CRHR2: variants seen among roughly 807,000 people sequenced by gnomAD.
CRHR2 encodes the protein corticotropin releasing hormone receptor 2, also known as corticotropin-releasing hormone receptor 2.
Under a neutral mutation model 57.9 loss-of-function variants are expected in CRHR2, and 53 were observed. The ratio of observed to expected loss-of-function variants is 0.92; its 90% CI spans 0.73 to 1.15. CRHR2 has a LOEUF of 1.15. CRHR2 is among the 50% of genes most tolerant of loss of function. The pLI, the probability that CRHR2 is intolerant of heterozygous loss-of-function variation, is 0.00. For synonymous variants in CRHR2, 213 were observed against 220.9 expected (o/e 0.96, Z 0.32); for missense variants, 532 against 542.6 (o/e 0.98, Z 0.19).
intron 2 of CRHR2, among the ~76,000 whole-genome samples, chr7:30,674,316 G>A (rs938851615): frequency 1.3e-5 from 2 of 152,212 alleles, no homozygotes; most frequent in Admixed American, 6.5e-5. Flanking sequence ...CGCCTCTACT[G>A]TACAGGGCTC....
upstream of CRHR2, among the ~76,000 whole-genome samples, chr7:30,683,190 G>A (rs763725250): frequency 6.6e-5 from 10 of 152,184 alleles, no homozygotes; most frequent in South Asian, 2.1e-4. Context: ...GTAAGTCTAG[G>A]GGAGAAATTG....
chr7:30,682,475 G>T, upstream of CRHR2: 1 of 1,326,048 alleles, frequency 7.5e-7, no homozygotes, highest in Admixed American at 4.2e-5. Context: ...TCCCGGAGAG[G>T]AGCCGCCGAG....
chr7:30,694,333 G>GA (rs1785015329), intron 1 of CRHR2, among the ~76,000 whole-genome samples: 1 of 152,216 alleles, frequency 6.6e-6, no homozygotes, highest in Non-Finnish European at 1.5e-5. Context: ...AGGCAAAGGA[G>GA]AGGCCCTGGC....
At chr7:30,684,986 C>T (rs779111346), upstream of CRHR2, among the ~76,000 whole-genome samples, 25 of 152,234 alleles carry the variant, frequency 1.6e-4, no homozygotes, top group Non-Finnish European at 3.1e-4. Flanking sequence ...AGGCCAGCCC[C>T]ATCCCAGCTG....
Position 30,658,923 on chromosome 7 carries a change from C to T in CRHR2, c.831+1650G>A, listed in dbSNP as rs907830840. On this transcript the variant is annotated intron_variant, in intron 8 of 11. Coordinates refer to ENST00000471646, the MANE Select transcript of CRHR2 (RefSeq NM_001883.5). ...GTAGGGATGGCAGGAACACCAAACA[C>T]GTGTCCAACCTCGAGGACAACAGGC... 5.3e-5 allele frequency among the ~76,000 whole-genome samples: 8 copies of T among 152,180 alleles called. No individual in the cohort carries two copies. The East Asian group carries it at 9.7e-4, about 18-fold the overall frequency.
At chr7:30,682,466 C>G (rs1784754885), upstream of CRHR2, 10 of 1,329,960 alleles carry the variant, frequency 7.5e-6, no homozygotes, top group Non-Finnish European at 9.6e-6. Context: ...TGGGGACCTT[C>G]CCGGAGAGGA....
intron 2 of CRHR2, among the ~76,000 whole-genome samples, chr7:30,671,994 TG>T (rs1784377812): frequency 6.6e-6 from 1 of 152,134 alleles, no homozygotes; most frequent in Non-Finnish European, 1.5e-5. Context: ...ACAGAAGGAA[TG>T]AAGTCACTAC....
chr7:30,662,959 A>G, intron 5 of CRHR2, 112 bp from the exon 6 acceptor site: 1 of 1,235,536 alleles, frequency 8.1e-7, no homozygotes, highest in South Asian at 1.6e-5. Flanking sequence ...GTTCGTGGAC[A>G]TGCCATCAAA....
At chr7:30,697,922 T>C (rs1254794176) in intron 1 of CRHR2, 1 of 152,366 alleles carries the variant, frequency 6.6e-6, no homozygotes, top group Non-Finnish European at 1.5e-5. Flanking sequence ...CACAGACTCC[T>C]TTCTTTCCTG....
intron 3 of CRHR2, among the ~76,000 whole-genome samples, chr7:30,666,185 T>C (rs892944226): frequency 1.3e-5 from 2 of 152,148 alleles, no homozygotes; most frequent in Non-Finnish European, 2.9e-5. Flanking sequence ...GACCTCAGTT[T>C]TGATGTCTAT....
At chr7:30,694,902 A>AG (rs36122513) in intron 1 of CRHR2, among the ~76,000 whole-genome samples, 1 of 123,240 alleles carries the variant, frequency 8.1e-6, no homozygotes, top group Non-Finnish European at 1.7e-5. Context: ...GATGATGAGG[A>AG]GAGAAGAAGG....
At chr7:30,697,580 A>T (rs1475009446) in intron 1 of CRHR2, among the ~76,000 whole-genome samples, 1 of 152,032 alleles carries the variant, frequency 6.6e-6, no homozygotes, top group Non-Finnish European at 1.5e-5. Context: ...CCAGGCTCTC[A>T]GTGTGCCCTG....
chr7:30,677,277 G>GA (rs1784548441), intron 2 of CRHR2, among the ~76,000 whole-genome samples: 1 of 152,174 alleles, frequency 6.6e-6, no homozygotes, highest in African/African-American at 2.4e-5. Flanking sequence ...CACACATAGA[G>GA]AAAATCAGAA....
chr7:30,688,904 C>T (rs552003366), intron 2 of CRHR2: 40 of 551,780 alleles, frequency 7.2e-5, no homozygotes, highest in Admixed American at 5.3e-4. Context: ...GGGTCATCCC[C>T]TTCTTGGACT....
chr7:30,662,964 A>G, intron 5 of CRHR2, 117 bp from the exon 6 acceptor site: 1 of 1,196,012 alleles, frequency 8.4e-7, no homozygotes. Context: ...TGGACATGCC[A>G]TCAAATACCA....
rs1249113179 is a variant in CRHR2 at position 30,655,716 on chromosome 7, C to T, written c.918-1G>A. ...CACCAGGGTGGCCTTCACTGCCTTCCTGGGGGCGAGAGGTGGACACAGGTC... is the reference window on the plus strand; with the variant it reads ...CACCAGGGTGGCCTTCACTGCCTTCTTGGGGGCGAGAGGTGGACACAGGTC... On this transcript the variant is annotated splice_acceptor_variant, in intron 9 of 11. Transcript: ENST00000471646. LOFTEE classifies it high-confidence loss of function. 1.2e-6 allele frequency: 2 copies of T among 1,613,022 alleles called. No homozygotes were observed. The highest frequency in any genetic ancestry group is 2.2e-5 in the East Asian group (1 of 44,886).
intron 3 of CRHR2, 131 bp downstream of exon 3, chr7:30,667,097 G>C: frequency 2.7e-6 from 2 of 749,496 alleles, no homozygotes; most frequent in East Asian, 2.6e-5. Flanking sequence ...CTGGGGGCAG[G>C]GGCAGGAGGT....
At position 30,665,348 on chromosome 7, in the gene CRHR2, C is replaced by T. The variant is rs1357170803; in HGVS notation, c.426-161G>A. On this transcript the variant is annotated intron_variant, in intron 4 of 11. Coordinates refer to ENST00000471646, the MANE Select transcript of CRHR2 (RefSeq NM_001883.5). This position sits in a 1 kb window ranked among gnomAD's most constrained non-coding sequence, Gnocchi z 4.5. ...ACAGTTGGGCCTCTGAGTCCAGCTCCCACTCTGCACCCCACATGCCTGCTG... is the reference window on the plus strand; with the variant it reads ...ACAGTTGGGCCTCTGAGTCCAGCTCTCACTCTGCACCCCACATGCCTGCTG... Among the ~76,000 whole-genome samples the T allele has an allele frequency of 2.0e-5, 3 of 152,142 alleles. No homozygotes were observed. The highest frequency in any genetic ancestry group is 6.5e-5 in the Admixed American group (1 of 15,282).
upstream of CRHR2, chr7:30,682,512 C>G: frequency 7.1e-6 from 9 of 1,265,784 alleles, no homozygotes; most frequent in Admixed American, 4.4e-5. Context: ...TACAGCCGCT[C>G]CGCCGCGGCC....
Sources: gnomAD v4.1 joint callset for allele counts (sites outside exome capture counted in the v4.1 genomes callset) on GRCh38, gnomAD v4.1.1 for gene constraint, Gnocchi (gnomAD v3.1) non-coding constraint, MANE v1.5 for transcripts, NCBI Gene and HGNC (gene_info 2026-07-23, HGNC 2026-07-21) for gene names.